The following AGBL1 variants were observed in gnomAD, a reference collection of about 807,000 sequenced individuals.
AGBL1 encodes the protein cytosolic carboxypeptidase 4.
In AGBL1, 130 loss-of-function variants were observed where a neutral mutation model predicts 118.9. The ratio of observed to expected loss-of-function variants is 1.09; its 90% confidence interval spans 0.95 to 1.26. The LOEUF (loss-of-function observed/expected upper bound fraction) is 1.26. Ranked by LOEUF, AGBL1 falls within the 50% of genes most tolerant of loss-of-function variation. The probability of loss-of-function intolerance (pLI) is 0.00; values close to 1 mark genes in which losing one functional copy is unlikely to be tolerated. For synonymous variants in AGBL1, 555 were observed against 478.9 expected, an observed-to-expected ratio of 1.16 and a Z score of -2.08; for missense variants, 1,584 against 1,298.1, an observed-to-expected ratio of 1.22 and a Z score of -3.38.
At chr15:86,958,976 C>T (rs1014229043) in intron 23 of AGBL1, among the ~76,000 whole-genome samples, 10 of 152,120 alleles carry the variant, frequency 6.6e-5, no homozygotes, top group African/African-American at 2.4e-4. Flanking sequence ...AATGTTAAAA[C>T]ACTCAGAAAC....
At chr15:86,380,976 G>C (rs2081106842) in intron 17 of AGBL1, among the ~76,000 whole-genome samples, 1 of 151,974 alleles carries the variant, frequency 6.6e-6, no homozygotes, top group Non-Finnish European at 1.5e-5. Context: ...CACTGTGCTT[G>C]TTTCTAATTA....
chr15:86,355,344 C>T (rs556025200), intron 17 of AGBL1, among the ~76,000 whole-genome samples: 6 of 152,264 alleles, frequency 3.9e-5, no homozygotes, highest in Admixed American at 1.3e-4. Flanking sequence ...AATGGTTCAT[C>T]GGTCAGGTAT....
intron 21 of AGBL1, among the ~76,000 whole-genome samples, chr15:86,652,222 C>A (rs2085384988): frequency 6.6e-6 from 1 of 152,100 alleles, no homozygotes; most frequent in African/African-American, 2.4e-5. Flanking sequence ...ACCAGTTCTC[C>A]TCATGTTCTC....
At chr15:86,810,420 T>C (rs1188423018) in intron 22 of AGBL1, among the ~76,000 whole-genome samples, 1 of 152,126 alleles carries the variant, frequency 6.6e-6, no homozygotes, top group Non-Finnish European at 1.5e-5. Context: ...CACTCTCTCT[T>C]CCTCTGCTCC....
At chr15:86,793,386 G>A (rs951136091) in intron 22 of AGBL1, among the ~76,000 whole-genome samples, 3 of 152,120 alleles carry the variant, frequency 2.0e-5, no homozygotes, top group African/African-American at 7.2e-5. Flanking sequence ...ATTCAGTAGG[G>A]AAAGAATAGT....
chr15:86,209,806 C>T (rs576383366), intron 5 of AGBL1, among the ~76,000 whole-genome samples: 1 of 152,198 alleles, frequency 6.6e-6, no homozygotes, highest in Non-Finnish European at 1.5e-5. Flanking sequence ...GGCATTTAGC[C>T]CATTTACATT....
At chr15:86,107,694 A>C (rs1009611790) in intron 1 of AGBL1, 10 of 152,186 alleles carry the variant, frequency 6.6e-5, no homozygotes, top group African/African-American at 2.4e-4. Context: ...AAACATTTGT[A>C]CTCACATTTA....
intron 6 of AGBL1, among the ~76,000 whole-genome samples, chr15:86,238,249 A>G (rs931382509): frequency 5.9e-5 from 9 of 152,210 alleles, no homozygotes; most frequent in Admixed American, 1.3e-4. Flanking sequence ...TGCAAACCCC[A>G]TAAGAGGTGA....
downstream of AGBL1, chr15:87,029,161 A>G: frequency 4.2e-6 from 1 of 237,138 alleles, no homozygotes; most frequent in Non-Finnish European, 8.1e-6. Context: ...CTTCACATAG[A>G]TAGTCTTCTA....
chr15:86,131,129 T>G (rs1433257503), intron 1 of AGBL1, among the ~76,000 whole-genome samples: 1 of 152,208 alleles, frequency 6.6e-6, no homozygotes, highest in African/African-American at 2.4e-5. Context: ...ACATGGAGAC[T>G]TAGGGCTTCA....
chr15:86,726,365 T>A (rs2086818664), intron 22 of AGBL1, among the ~76,000 whole-genome samples: 1 of 152,300 alleles, frequency 6.6e-6, no homozygotes, highest in Non-Finnish European at 1.5e-5. Context: ...AGAGTGGACC[T>A]CAGAGTCAGG....
chr15:86,545,726 G>C (rs1365317394), intron 19 of AGBL1, among the ~76,000 whole-genome samples: 1 of 152,080 alleles, frequency 6.6e-6, no homozygotes, highest in African/African-American at 2.4e-5. Context: ...TATCAAAAGA[G>C]CTATACATGA....
At chr15:86,968,936 G>A (rs2081080840) in intron 23 of AGBL1, among the ~76,000 whole-genome samples, 1 of 151,770 alleles carries the variant, frequency 6.6e-6, no homozygotes, top group Non-Finnish European at 1.5e-5. Context: ...TTCTATTCAT[G>A]AGGCAGATCC....
intron 6 of AGBL1, among the ~76,000 whole-genome samples, chr15:86,236,841 A>G (rs2078551869): frequency 7.6e-6 from 1 of 132,384 alleles, no homozygotes; most frequent in African/African-American, 2.5e-5. Flanking sequence ...TCATTCACAT[A>G]GCCCGGGGAA....
chr15:86,929,955 C>A (rs2080585801), intron 23 of AGBL1, among the ~76,000 whole-genome samples: 1 of 152,142 alleles, frequency 6.6e-6, no homozygotes, highest in South Asian at 2.1e-4. Context: ...TTTATAAATG[C>A]CCTTTGGCTG....
intron 17 of AGBL1, among the ~76,000 whole-genome samples, chr15:86,390,370 G>A (rs2081258067): frequency 1.3e-5 from 2 of 152,076 alleles, no homozygotes; most frequent in African/African-American, 2.4e-5. Flanking sequence ...TAGACAATAT[G>A]AGAAATATGA....
At chr15:86,821,863 C>G (rs2078947098) in intron 22 of AGBL1, among the ~76,000 whole-genome samples, 1 of 152,192 alleles carries the variant, frequency 6.6e-6, no homozygotes, top group East Asian at 1.9e-4. Flanking sequence ...GCTACTTGTT[C>G]CATCCCAGTT....
intron 2 of AGBL1, among the ~76,000 whole-genome samples, chr15:86,142,475 A>G (rs2076976987): frequency 6.6e-6 from 1 of 152,210 alleles, no homozygotes; most frequent in African/African-American, 2.4e-5. Flanking sequence ...ATAAGATAAC[A>G]GAGTTGACTA....
intron 18 of AGBL1, among the ~76,000 whole-genome samples, chr15:86,436,954 C>T (rs147359644): frequency 2.3e-4 from 34 of 150,850 alleles, no homozygotes; most frequent in African/African-American, 8.0e-4. Flanking sequence ...CTGGCCTTGC[C>T]AAATCTTGAA....
Sources: gnomAD v4.1 joint callset for allele counts (sites outside exome capture counted in the v4.1 genomes callset) on GRCh38, gnomAD v4.1.1 for gene constraint, MANE v1.5 for transcripts, NCBI Gene and HGNC (gene_info 2026-07-23, HGNC 2026-07-21) for gene names.